The following MPPED2 variants were observed in gnomAD, a reference collection of about 807,000 sequenced individuals.
The protein encoded by MPPED2 is metallophosphoesterase domain containing 2, also known as metallophosphoesterase MPPED2.
Under a neutral mutation model 33.0 loss-of-function variants are expected in MPPED2, and 5 were observed. The observed-to-expected ratio is 0.15, with a 90% CI of 0.08 to 0.32. The LOEUF is 0.32. Ranked by LOEUF, MPPED2 falls within the 10% of genes least tolerant of loss-of-function variation. MPPED2 has a pLI of 1.00. For missense variants in MPPED2, 275 were observed against 372.1 expected, an observed-to-expected ratio of 0.74 and a Z score of 2.15; for synonymous variants, 136 against 141.9, an observed-to-expected ratio of 0.96 and a Z score of 0.29.
chr11:30,586,060 C>A lies in MPPED2; in HGVS notation c.-140G>T, dbSNP rs1007726523. On this transcript the variant is annotated 5_prime_UTR_variant, in exon 1 of 7. Transcript: ENST00000358117. The surrounding 1 kb of genome is among the most constrained non-coding windows in gnomAD (Gnocchi z 4.8). ...GGATTACCTTTCCCGGGCTGCGCTCCGGATCCCGGGGATGCCTTCAGCGCC... is the reference window on the plus strand; with the variant it reads ...GGATTACCTTTCCCGGGCTGCGCTCAGGATCCCGGGGATGCCTTCAGCGCC... 6.6e-6 allele frequency: 1 copy of A among 152,222 alleles called. No individual in the cohort carries two copies. Among genetic ancestry groups the A allele is most frequent in the Non-Finnish European group, 1.5e-5 (1 of 68,076 alleles). 9.4% of individuals were successfully genotyped at this position (152,222 alleles called of 1,614,324 possible).
intron 4 of MPPED2, among the ~76,000 whole-genome samples, chr11:30,457,841 C>G (rs1950343723): frequency 6.6e-6 from 1 of 152,172 alleles, no homozygotes; most frequent in African/African-American, 2.4e-5. Flanking sequence ...CAAACTCATA[C>G]GTGAGTCTCC....
At chr11:30,428,086 T>A (rs1818675911) in intron 4 of MPPED2, among the ~76,000 whole-genome samples, 1 of 152,168 alleles carries the variant, frequency 6.6e-6, no homozygotes, top group South Asian at 2.1e-4. Flanking sequence ...ACGGCCTGCC[T>A]TCTTTCTCTT....
At chr11:30,509,667 T>A (rs1953037863) in intron 3 of MPPED2, among the ~76,000 whole-genome samples, 1 of 152,196 alleles carries the variant, frequency 6.6e-6, no homozygotes, top group African/African-American at 2.4e-5. Flanking sequence ...CTAATTTATG[T>A]GCAAGGCCAG....
chr11:30,512,388 G>C (rs1471968528), intron 3 of MPPED2, among the ~76,000 whole-genome samples: 1 of 152,150 alleles, frequency 6.6e-6, no homozygotes, highest in Non-Finnish European at 1.5e-5. Flanking sequence ...CCCAGAAACA[G>C]ATCATTTCTC....
At chr11:30,441,074 T>G (rs945494880) in intron 4 of MPPED2, among the ~76,000 whole-genome samples, 1 of 152,186 alleles carries the variant, frequency 6.6e-6, no homozygotes, top group African/African-American at 2.4e-5. Context: ...TTCTCTGGGT[T>G]ACCGAGCAGA....
intron 6 of MPPED2, 115 bp downstream of exon 6, chr11:30,414,113 A>G (rs1214138202): frequency 1.5e-6 from 1 of 678,050 alleles, no homozygotes; most frequent in African/African-American, 1.8e-5. Flanking sequence ...TTCATCTTAT[A>G]AAAGGGTCCC....
chr11:30,457,116 G>A (rs1950310539), intron 4 of MPPED2, among the ~76,000 whole-genome samples: 1 of 152,020 alleles, frequency 6.6e-6, no homozygotes, highest in African/African-American at 2.4e-5. Flanking sequence ...TGTTGGTCTG[G>A]GGAAAAAGCT....
intron 2 of MPPED2, among the ~76,000 whole-genome samples, chr11:30,564,327 G>T (rs1956353563): frequency 6.6e-6 from 1 of 152,116 alleles, no homozygotes; most frequent in Non-Finnish European, 1.5e-5. Flanking sequence ...GCACTGGAAG[G>T]TCTTCTACCT....
At chr11:30,560,498 C>T (rs1956193090) in intron 2 of MPPED2, among the ~76,000 whole-genome samples, 1 of 152,076 alleles carries the variant, frequency 6.6e-6, no homozygotes, top group Non-Finnish European at 1.5e-5. Flanking sequence ...CCCATTTACC[C>T]CCTACTGAAC....
At chr11:30,583,510 G>T (rs1957294711) in intron 1 of MPPED2, among the ~76,000 whole-genome samples, 1 of 152,114 alleles carries the variant, frequency 6.6e-6, no homozygotes, top group Admixed American at 6.6e-5. Flanking sequence ...CATTCATGCT[G>T]GTGCTAGTTT....
chr11:30,463,664 A>G lies in MPPED2; in HGVS notation c.536+31632T>C, dbSNP rs1590377606. Among the ~76,000 whole-genome samples the G allele has an allele frequency of 2.0e-5, 3 of 152,314 alleles. No homozygotes were observed. The South Asian group carries it at 6.2e-4, about 32-fold the overall frequency. On this transcript the variant is annotated intron_variant, in intron 4 of 6. Coordinates refer to ENST00000358117, the MANE Select transcript of MPPED2 (RefSeq NM_001584.3). ...GGAGCTCAGAAGTGTAAAGGAAGAAACAGTATCTGGGTTACATGTTAAGGC... is the reference window on the plus strand; with the variant it reads ...GGAGCTCAGAAGTGTAAAGGAAGAAGCAGTATCTGGGTTACATGTTAAGGC...
At chr11:30,565,105 G>A (rs773538580) in intron 2 of MPPED2, among the ~76,000 whole-genome samples, 14 of 152,280 alleles carry the variant, frequency 9.2e-5, no homozygotes, top group Non-Finnish European at 1.5e-4. Flanking sequence ...GGAACTCCGT[G>A]CAGCCTGTGT....
upstream of MPPED2, chr11:30,586,600 A>G (rs1392223824): frequency 6.6e-6 from 1 of 152,216 alleles, no homozygotes; most frequent in Non-Finnish European, 1.5e-5. This position sits in a 1 kb window ranked among gnomAD's most constrained non-coding sequence, Gnocchi z 4.8. Flanking sequence ...CTGAGCTGCA[A>G]GTTCATCATC....
At chr11:30,557,587 T>C (rs1169316137) in intron 2 of MPPED2, among the ~76,000 whole-genome samples, 1 of 152,188 alleles carries the variant, frequency 6.6e-6, no homozygotes, top group East Asian at 1.9e-4. Flanking sequence ...TTTTGTTTTC[T>C]TTTAAGGAAA....
intron 2 of MPPED2, among the ~76,000 whole-genome samples, chr11:30,558,244 A>T (rs559888521): frequency 6.6e-6 from 1 of 152,172 alleles, no homozygotes; most frequent in Non-Finnish European, 1.5e-5. Context: ...TTATAGTCAC[A>T]CTTCAAACCC....
intron 3 of MPPED2, among the ~76,000 whole-genome samples, chr11:30,530,206 T>C (rs77551155): frequency 7.9e-5 from 12 of 152,308 alleles, no homozygotes; most frequent in Admixed American, 5.9e-4. Context: ...TGGGATATTA[T>C]AAGTTCTTTG....
At chr11:30,521,232 G>A (rs1448733372) in intron 3 of MPPED2, among the ~76,000 whole-genome samples, 1 of 151,690 alleles carries the variant, frequency 6.6e-6, no homozygotes, top group Non-Finnish European at 1.5e-5. Flanking sequence ...CCTGGATTTA[G>A]GAATAAAACA....
chr11:30,537,024 G>C (rs1282083250), intron 2 of MPPED2, among the ~76,000 whole-genome samples: 1 of 152,104 alleles, frequency 6.6e-6, no homozygotes, highest in African/African-American at 2.4e-5. Context: ...CAGGGCATAA[G>C]AATCAAAAGG....
At chr11:30,386,510 G>T in exon 7 of MPPED2, 2 of 374,096 alleles carry the variant, frequency 5.3e-6, no homozygotes, top group South Asian at 2.9e-4. Context: ...TAGGCTTGCA[G>T]AACTGTGATT....
Sources: allele counts gnomAD v4.1 joint callset (sites outside exome capture counted in the v4.1 genomes callset), GRCh38; gene constraint gnomAD v4.1.1; non-coding constraint Gnocchi (gnomAD v3.1); transcripts MANE v1.5; gene names NCBI Gene and HGNC (gene_info 2026-07-23, HGNC 2026-07-21).